MALRD1: variants seen among roughly 807,000 people sequenced by gnomAD.
MALRD1 encodes the protein MAM and LDL-receptor class A domain-containing protein 1.
In MALRD1, 247 loss-of-function variants were observed where a neutral mutation model predicts 242.1. That is an observed-to-expected ratio of 1.02 (90% CI 0.92 to 1.13). MALRD1 has a LOEUF of 1.13. MALRD1 is among the 50% of genes most tolerant of loss of function. The pLI is 0.00. For missense variants in MALRD1, 2,989 were observed against 2,533.1 expected (o/e 1.18, Z -3.86); for synonymous variants, 995 against 866.6 (o/e 1.15, Z -2.60).
At chr10:19,463,791 C>T (rs1303770753) in intron 29 of MALRD1, among the ~76,000 whole-genome samples, 1 of 152,098 alleles carries the variant, frequency 6.6e-6, no homozygotes, top group African/African-American at 2.4e-5. Flanking sequence ...GGACTATTCA[C>T]ACTGTTTTCC....
intron 33 of MALRD1, among the ~76,000 whole-genome samples, chr10:19,573,320 A>G (rs1366705993): frequency 1.3e-5 from 2 of 152,154 alleles, no homozygotes; most frequent in Non-Finnish European, 2.9e-5. Context: ...ATGGCTCTGC[A>G]TGGCAGGCAT....
chr10:19,223,587 A>T (rs1837654301), intron 18 of MALRD1, among the ~76,000 whole-genome samples: 1 of 152,114 alleles, frequency 6.6e-6, no homozygotes. Flanking sequence ...TGGGATACAT[A>T]TGCAGAACTT....
chr10:19,599,939 C>T (rs573919702), intron 34 of MALRD1, among the ~76,000 whole-genome samples: 7 of 152,222 alleles, frequency 4.6e-5, no homozygotes, highest in African/African-American at 1.7e-4. Context: ...ATTAATGTAT[C>T]CTTATCATCC....
At chr10:19,659,958 A>T (rs1207013593) in intron 36 of MALRD1, among the ~76,000 whole-genome samples, 1 of 152,118 alleles carries the variant, frequency 6.6e-6, no homozygotes, top group Non-Finnish European at 1.5e-5. Flanking sequence ...CTATTAGGAG[A>T]ATTTCTCCCT....
intron 14 of MALRD1, among the ~76,000 whole-genome samples, chr10:19,179,924 G>A (rs1028727392): frequency 9.9e-5 from 15 of 151,838 alleles, no homozygotes; most frequent in African/African-American, 1.7e-4. Context: ...CATTCTTTCT[G>A]CTTTCTACTT....
intron 21 of MALRD1, among the ~76,000 whole-genome samples, chr10:19,315,578 TTATAAATTATAAATATTTA>T (rs1384069870): frequency 0.038 from 2,336 of 62,000 alleles, 76 homozygotes; most frequent in South Asian, 0.06. Context: ...AATATATAAA[TTATAAATTATAAATATTTA>T]TATAAATTAT....
intron 36 of MALRD1, among the ~76,000 whole-genome samples, chr10:19,685,511 A>AAG (rs1842547202): frequency 6.6e-6 from 1 of 152,136 alleles, no homozygotes; most frequent in South Asian, 2.1e-4. Flanking sequence ...CTAGTAATCG[A>AAG]AGACCCAATT....
chr10:19,471,179 G>A (rs764280827), intron 29 of MALRD1, among the ~76,000 whole-genome samples: 18 of 151,782 alleles, frequency 1.2e-4, no homozygotes, highest in Admixed American at 2.0e-4. Context: ...ACCATTTGCT[G>A]GAGAGATTAT....
At chr10:19,071,006 C>A (rs1410314552) in intron 2 of MALRD1, among the ~76,000 whole-genome samples, 1 of 151,726 alleles carries the variant, frequency 6.6e-6, no homozygotes, top group Non-Finnish European at 1.5e-5. Context: ...CATGTGCCAC[C>A]ACTCCTGGCT....
At chr10:19,579,733 G>A (rs781476960) in intron 33 of MALRD1, among the ~76,000 whole-genome samples, 1 of 152,152 alleles carries the variant, frequency 6.6e-6, no homozygotes, top group Non-Finnish European at 1.5e-5. Flanking sequence ...AACCAAAAAC[G>A]GTAGACTTAA....
intron 14 of MALRD1, among the ~76,000 whole-genome samples, chr10:19,180,350 A>G (rs1835451789): frequency 6.6e-6 from 1 of 152,220 alleles, no homozygotes; most frequent in Non-Finnish European, 1.5e-5. Flanking sequence ...AGATTTGGTA[A>G]GAAGAAAGTG....
At chr10:19,552,717 GA>G (rs35913272) in intron 32 of MALRD1, among the ~76,000 whole-genome samples, 37,699 of 151,850 alleles carry the variant, frequency 0.25, 5,621 homozygotes, top group Admixed American at 0.4. Flanking sequence ...AATTTCAAAA[GA>G]AAAAAATTAT....
At chr10:19,216,952 A>AAT in intron 18 of MALRD1, among the ~76,000 whole-genome samples, 1 of 114,666 alleles carries the variant, frequency 8.7e-6, no homozygotes, top group East Asian at 2.4e-4. Flanking sequence ...TCTCAAAAAA[A>AAT]AAAAAATAAA....
intron 24 of MALRD1, among the ~76,000 whole-genome samples, chr10:19,339,225 A>G (rs1187749450): frequency 1.3e-5 from 2 of 152,098 alleles, no homozygotes; most frequent in Admixed American, 1.3e-4. Flanking sequence ...GCAGTCCACT[A>G]TTTAAATGAT....
chr10:19,531,166 GA>G (rs1291259303), intron 31 of MALRD1, 27 bp from the exon 32 acceptor site: 3 of 1,530,586 alleles, frequency 2.0e-6, no homozygotes, highest in South Asian at 1.2e-5. Context: ...TCATTACACT[GA>G]AAAAAATTTT....
chr10:19,525,115 A>G (rs2358413), intron 31 of MALRD1, among the ~76,000 whole-genome samples: 9,392 of 148,898 alleles, frequency 0.063, 999 homozygotes, highest in African/African-American at 0.22. Flanking sequence ...GGGTTTCCCT[A>G]TGTTGGTCAG....
chr10:19,695,002 C>T (rs1833300115), intron 38 of MALRD1, among the ~76,000 whole-genome samples: 1 of 152,134 alleles, frequency 6.6e-6, no homozygotes, highest in African/African-American at 2.4e-5. Context: ...TGTTCTCACT[C>T]ACAGGTGGGA....
intron 13 of MALRD1, among the ~76,000 whole-genome samples, chr10:19,167,301 G>A (rs1834732359): frequency 6.6e-6 from 1 of 152,194 alleles, no homozygotes; most frequent in African/African-American, 2.4e-5. Context: ...GGAAGTTGCA[G>A]TGAGCTGACA....
intron 19 of MALRD1, among the ~76,000 whole-genome samples, chr10:19,276,296 TTA>T (rs10602550): frequency 0.54 from 81,218 of 150,946 alleles, 22,225 homozygotes; most frequent in Admixed American, 0.66. Context: ...TGCATTTTAA[TTA>T]TATATATATA....
Sources: gnomAD v4.1 joint callset for allele counts (sites outside exome capture counted in the v4.1 genomes callset) on GRCh38, gnomAD v4.1.1 for gene constraint, MANE v1.5 for transcripts, NCBI Gene and HGNC (gene_info 2026-07-23, HGNC 2026-07-21) for gene names.